Variants in ERVFRD-1 observed in about 807,000 individuals in gnomAD.
The protein encoded by ERVFRD-1 is endogenous retrovirus group FRD member 1, envelope, also known as syncytin-2.
A neutral mutation model predicts 43.8 loss-of-function variants in ERVFRD-1; 33 were observed. That is an observed-to-expected ratio of 0.75 (90% CI 0.57 to 1.01). ERVFRD-1 has a LOEUF of 1.01. Among genes scored for constraint, ERVFRD-1 ranks in the 50% least tolerant of loss-of-function variants. The pLI is 0.00. For missense variants in ERVFRD-1, 568 were observed against 658.4 expected (o/e 0.86, Z 1.50); for synonymous variants, 239 against 244.4 (o/e 0.98, Z 0.21).
In ERVFRD-1 at chr6:11,105,530, C is replaced by T. The variant is rs76843344; in HGVS notation, c.-220G>A. The T allele has an allele frequency of 0.19, 95,953 of 505,708 alleles. 10,886 individuals are homozygous for T. Among genetic ancestry groups the T allele is most frequent in the East Asian group, 0.33 (9,597 of 29,368 alleles). The allele number at this position is 505,708 out of a possible 1,614,324, so 31.3% of individuals were successfully genotyped here. A position where few individuals can be genotyped will look rare whatever the true frequency, so the allele number is the denominator to read the frequency against. On this transcript the variant is annotated 5_prime_UTR_variant, in exon 2 of 2. Coordinates refer to ENST00000472091, the MANE Select transcript of ERVFRD-1 (RefSeq NM_207582.3). ...CTTCCAGTGCCTTGCAAGTGTATTC[C>T]GGAGCTGAGGTTGCTGGTTCTGGCT...
rs1329904470 is a variant in ERVFRD-1 at position 11,104,436 on chromosome 6, A to T, written c.875T>A (p.Leu292His). 1.9e-6 allele frequency: 3 copies of T among 1,551,644 alleles called. No individual in the cohort carries two copies. Among genetic ancestry groups the T allele is most frequent in the Admixed American group, 2.0e-5 (1 of 50,988 alleles). Residue 292 changes from leucine (L) to histidine (H), a missense_variant, in exon 2 of 2, where the codon CTT becomes CAT. Leu to His is a moderately conservative substitution (Grantham distance 99). Coordinates refer to ENST00000472091, the MANE Select transcript of ERVFRD-1 (RefSeq NM_207582.3). ...PLFHFHISTC[L>H]KTQGAFYICG... is the part of the protein sequence containing the mutation. The stretch of plus-strand genomic sequence containing the variant: ...AATATAAAAGGCTCCTTGAGTTTTA[A>T]GGCATGTAGAGATATGGAAATGAAA...
In ERVFRD-1 at chr6:11,110,499, G is replaced by C. The variant is rs1758151143; in HGVS notation, c.-321+1178C>G. 2.0e-5 allele frequency among the ~76,000 whole-genome samples: 3 copies of C among 152,120 alleles called. No individual in the cohort carries two copies. The South Asian group carries it at 6.2e-4, about 32-fold the overall frequency. ...TGTTTTTCTGCCAATTGCTGCAAGGGGGCTGGACTTCTCTCCCTTCAAATA... is the reference window on the plus strand; with the variant it reads ...TGTTTTTCTGCCAATTGCTGCAAGGCGGCTGGACTTCTCTCCCTTCAAATA... On this transcript the variant is annotated intron_variant, in intron 1 of 1. Coordinates refer to ENST00000472091, the MANE Select transcript of ERVFRD-1 (RefSeq NM_207582.3).
chr6:11,105,600 A>G lies in ERVFRD-1; in HGVS notation c.-290T>C. ...CCACAGCTTCACTTGGGTGTGATGG[A>G]TCTAGCTGGCAGTCTCCAGTACTGT... On this transcript the variant is annotated 5_prime_UTR_variant, in exon 2 of 2. Transcript: ENST00000472091. The G allele has an allele frequency of 2.7e-6, 1 of 368,106 alleles. No homozygotes were observed. The allele number at this position is 368,106 out of a possible 1,614,324, so 22.8% of individuals were successfully genotyped here.
At chr6:11,105,849 G>C (rs1203327096) in intron 1 of ERVFRD-1, among the ~76,000 whole-genome samples, 1 of 152,138 alleles carries the variant, frequency 6.6e-6, no homozygotes, top group African/African-American at 2.4e-5. Context: ...GGTGATTTTA[G>C]CAGTTTCTTC....
chr6:11,105,468 C>T lies in ERVFRD-1; in HGVS notation c.-158G>A. ...TTGAGGTGAAAGGATGTTGGTGGGG[C>T]ATTACTTATCTTTTTGTTTAAAGAG... On this transcript the variant is annotated 5_prime_UTR_variant, in exon 2 of 2. The change abolishes an upstream ATG in the 5' untranslated region. Transcript: ENST00000472091. 1.7e-6 allele frequency: 1 copy of T among 604,140 alleles called. No homozygotes were observed. 37.4% of individuals were successfully genotyped at this position (604,140 alleles called of 1,614,324 possible).
chr6:11,106,292 A>G (rs1014676402), intron 1 of ERVFRD-1, among the ~76,000 whole-genome samples: 1 of 152,238 alleles, frequency 6.6e-6, no homozygotes, highest in African/African-American at 2.4e-5. Context: ...AACCTGTGGT[A>G]TGCAGGGAGC....
chr6:11,109,071 A>G (rs1758132224), intron 1 of ERVFRD-1, among the ~76,000 whole-genome samples: 1 of 152,172 alleles, frequency 6.6e-6, no homozygotes, highest in Admixed American at 6.5e-5. Flanking sequence ...CTGGGGAACT[A>G]TGGTGGCCCC....
At position 11,105,076 on chromosome 6, in the gene ERVFRD-1, C is replaced by A. The variant is rs1164279010; in HGVS notation, c.235G>T (p.Asp79Tyr). ...CTCATCAGTCCTTTCAGATTAGGGT[C>A]CCATCGATAGGAAATATGTAATTCC... ...EAELHISYRW[D>Y]PNLKGLMRPA... Residue 79 changes from aspartate (D) to tyrosine (Y), a missense_variant, in exon 2 of 2, where the codon GAC becomes TAC. By Grantham distance (160) the Asp-to-Tyr change is radical (BLOSUM62 -3). Transcript: ENST00000472091. 1 of 1,614,000 alleles carries A rather than the reference C, an allele frequency of 6.2e-7. No individual in the cohort carries two copies. The highest frequency in any genetic ancestry group is 1.3e-5 in the African/African-American group (1 of 74,912).
In ERVFRD-1 at chr6:11,104,285, A is replaced by G. The variant is rs547405862; in HGVS notation, c.1026T>C (p.Asn342=). 3 of 1,551,726 alleles carry G rather than the reference A, an allele frequency of 1.9e-6. No homozygotes were observed. Among genetic ancestry groups the G allele is most frequent in the African/African-American group, 2.7e-5 (2 of 73,166 alleles). Residue 342 remains asparagine, a synonymous_variant, in exon 2 of 2, where the codon AAT becomes AAC. Coordinates refer to ENST00000472091, the MANE Select transcript of ERVFRD-1 (RefSeq NM_207582.3). ...NLSLPIPIYG[N]SPLPRVRRAI... Reference sequence around the variant, plus strand: ...CCCTCCTCACCCTGGGCAACGGGGAATTCCCATAGATTGGTATTGGAAGAG... The same window carrying G: ...CCCTCCTCACCCTGGGCAACGGGGAGTTCCCATAGATTGGTATTGGAAGAG...
Position 11,103,906 on chromosome 6 carries a change from C to T in ERVFRD-1, c.1405G>A (p.Gly469Ser), listed in dbSNP as rs1758039319. 8 of 1,551,564 alleles carry T rather than the reference C, an allele frequency of 5.2e-6. No homozygotes were observed. The highest frequency in any genetic ancestry group is 2.7e-5 in the African/African-American group (2 of 73,020). ...ASSLRERATQ[G>S]WLNWEGTWKW... ...CAAGTTCCTTCCCAATTTAACCAAC[C>T]CTGAGTGGCTCGTTCCCGTAAACTG... Residue 469 changes from glycine to serine, a missense_variant, in exon 2 of 2, where the codon GGT (glycine) becomes AGT (serine). Gly to Ser is a moderately conservative substitution (Grantham distance 56, BLOSUM62 0). Transcript: ENST00000472091.
In ERVFRD-1 at chr6:11,104,283, G is replaced by A. The variant is rs1758048231; in HGVS notation, c.1028C>T (p.Ser343Phe). 6.4e-7 allele frequency: 1 copy of A among 1,551,608 alleles called. No homozygotes were observed. Among genetic ancestry groups the A allele is most frequent in the Non-Finnish European group, 8.7e-7 (1 of 1,147,010 alleles). Reference sequence around the variant, plus strand: ...TGCCCTCCTCACCCTGGGCAACGGGGAATTCCCATAGATTGGTATTGGAAG... The same window carrying A: ...TGCCCTCCTCACCCTGGGCAACGGGAAATTCCCATAGATTGGTATTGGAAG... ...LSLPIPIYGN[S>F]PLPRVRRAIH... Residue 343 changes from serine (S) to phenylalanine (F), a missense_variant, in exon 2 of 2, where the codon TCC becomes TTC. Coordinates refer to ENST00000472091, the MANE Select transcript of ERVFRD-1 (RefSeq NM_207582.3).
rs1758019768 is a variant in ERVFRD-1 at position 11,103,093 on chromosome 6, T to A, written c.*601A>T. The A allele has an allele frequency of 6.6e-6, 1 of 152,330 alleles. No homozygotes were observed. Among genetic ancestry groups the A allele is most frequent in the Non-Finnish European group, 1.5e-5 (1 of 68,154 alleles). 9.4% of individuals were successfully genotyped at this position (152,330 alleles called of 1,614,324 possible). On this transcript the variant is annotated 3_prime_UTR_variant, in exon 2 of 2. Transcript: ENST00000472091. ...GCCAGCACTTGGGAGGGGACGCATG[T>A]GCAGTGTTTTTACTGAAGTTGTGCA...
chr6:11,106,688 C>T (rs1346465017), intron 1 of ERVFRD-1, among the ~76,000 whole-genome samples: 1 of 152,220 alleles, frequency 6.6e-6, no homozygotes, highest in African/African-American at 2.4e-5. Context: ...AGCAAGGCCC[C>T]CATGAAGGTA....
In ERVFRD-1 at chr6:11,109,106, C is replaced by T. The variant is rs1048597498; in HGVS notation, c.-321+2571G>A. Among the ~76,000 whole-genome samples the T allele has an allele frequency of 3.9e-5, 6 of 152,202 alleles. No homozygotes were observed. The East Asian group carries it at 1.2e-3, about 29-fold the overall frequency. On this transcript the variant is annotated intron_variant, in intron 1 of 1. Coordinates refer to ENST00000472091, the MANE Select transcript of ERVFRD-1 (RefSeq NM_207582.3). ...CCACAGGGTAGCCACCAGTGTCAGG[C>T]ATGTGCATTGTGTTTGCAAATTGTT...
At position 11,105,315 on chromosome 6, in the gene ERVFRD-1, A is replaced by G; in HGVS notation, c.-5T>C. On this transcript the variant is annotated 5_prime_UTR_variant, in exon 2 of 2. Coordinates refer to ENST00000472091, the MANE Select transcript of ERVFRD-1 (RefSeq NM_207582.3). The stretch of plus-strand genomic sequence containing the variant: ...AACCAGCAGGAGCAGGCCCATGGTG[A>G]CCTAAGAGAAACTGGTCACAAAACG... 6.2e-7 allele frequency: 1 copy of G among 1,602,488 alleles called. No individual in the cohort carries two copies. Among genetic ancestry groups the G allele is most frequent in the South Asian group, 1.1e-5 (1 of 90,042 alleles).
In ERVFRD-1 at chr6:11,103,296, G is replaced by A. The variant is rs1446548204; in HGVS notation, c.*398C>T. ...GCTTCAGGTGTTTCCTATCTATTGG[G>A]AGGCCATCGTTCCCTGGCGCCAGCT... On this transcript the variant is annotated 3_prime_UTR_variant, in exon 2 of 2. Coordinates refer to ENST00000472091, the MANE Select transcript of ERVFRD-1 (RefSeq NM_207582.3). The A allele has an allele frequency of 5.6e-6, 1 of 179,562 alleles. No individual in the cohort carries two copies. The highest frequency in any genetic ancestry group is 1.2e-5 in the Non-Finnish European group (1 of 84,878). 11.1% of individuals were successfully genotyped at this position (179,562 alleles called of 1,614,324 possible).
chr6:11,108,186 A>G (rs1758115075), intron 1 of ERVFRD-1, among the ~76,000 whole-genome samples: 1 of 152,218 alleles, frequency 6.6e-6, no homozygotes, highest in African/African-American at 2.4e-5. Flanking sequence ...GACAGCACAG[A>G]GGAGGAGTAA....
chr6:11,103,796 A>G lies in ERVFRD-1; in HGVS notation c.1515T>C (p.Asn505=). 6.4e-7 allele frequency: 1 copy of G among 1,551,676 alleles called. No homozygotes were observed. The highest frequency in any genetic ancestry group is 8.7e-7 in the Non-Finnish European group (1 of 1,146,986). ...LLLLFGPCLL[N]LITQFVSSRL... ...GAGAGGAGACAAATTGGGTTATTAG[A>G]TTTAGGAGACATGGACCAAAAAGGA... Residue 505 remains asparagine (N), a synonymous_variant, in exon 2 of 2, where the codon AAT becomes AAC. Coordinates refer to ENST00000472091, the MANE Select transcript of ERVFRD-1 (RefSeq NM_207582.3).
chr6:11,104,468 G>C lies in ERVFRD-1; in HGVS notation c.843C>G (p.Thr281=). Residue 281 remains threonine (T), a synonymous_variant, in exon 2 of 2, where the codon ACC becomes ACG. Coordinates refer to ENST00000472091, the MANE Select transcript of ERVFRD-1 (RefSeq NM_207582.3). ...TAGAGATATGGAAATGAAATAAGGGGGTGAGGGAGGTTCCAAAAAATTCTG... is the reference window on the plus strand; with the variant it reads ...TAGAGATATGGAAATGAAATAAGGGCGTGAGGGAGGTTCCAAAAAATTCTG... ...AVSEFFGTSL[T]PLFHFHISTC... 6.4e-7 allele frequency: 1 copy of C among 1,552,346 alleles called. No individual in the cohort carries two copies. Among genetic ancestry groups the C allele is most frequent in the Non-Finnish European group, 8.7e-7 (1 of 1,147,266 alleles).
Sources: gnomAD v4.1 joint callset for allele counts (sites outside exome capture counted in the v4.1 genomes callset) on GRCh38, gnomAD v4.1.1 for gene constraint, MANE v1.5 for transcripts, NCBI Gene and HGNC (gene_info 2026-07-23, HGNC 2026-07-21) for gene names.